RIMS2: variants seen among roughly 807,000 people sequenced by gnomAD.
RIMS2 encodes the protein regulating synaptic membrane exocytosis 2.
In RIMS2, 59 loss-of-function variants were observed where a neutral mutation model predicts 174.4. The observed-to-expected ratio is 0.34, with a 90% CI of 0.27 to 0.42. The LOEUF is 0.42. Ranked by LOEUF, RIMS2 falls within the 10% of genes least tolerant of loss-of-function variation. The pLI, the probability that RIMS2 is intolerant of heterozygous loss-of-function variation, is 1.00. For synonymous variants in RIMS2, 606 were observed against 572.5 expected (o/e 1.06, Z -0.84); for missense variants, 1,620 against 1,666.3 (o/e 0.97, Z 0.48).
chr8:103,983,890 A>G (rs1180501940), intron 16 of RIMS2, among the ~76,000 whole-genome samples: 1 of 152,142 alleles, frequency 6.6e-6, no homozygotes, highest in Non-Finnish European at 1.5e-5. Flanking sequence ...GCAAAAGTAG[A>G]CAAAAGGGCA....
intron 19 of RIMS2, among the ~76,000 whole-genome samples, chr8:104,220,264 C>A (rs865972954): frequency 6.9e-6 from 1 of 145,500 alleles, no homozygotes; most frequent in Non-Finnish European, 1.5e-5. Context: ...TCATCTATAT[C>A]TGTAAGATCC....
chr8:104,168,671 T>C (rs1165290497), intron 19 of RIMS2, among the ~76,000 whole-genome samples: 1 of 152,144 alleles, frequency 6.6e-6, no homozygotes, highest in Non-Finnish European at 1.5e-5. Flanking sequence ...TCGCTAGCAC[T>C]TCCAGTACTA....
intron 19 of RIMS2, among the ~76,000 whole-genome samples, chr8:104,044,599 T>G (rs1310719687): frequency 1.3e-5 from 2 of 151,686 alleles, no homozygotes; most frequent in East Asian, 3.8e-4. Flanking sequence ...TTTTATTGTC[T>G]TCAAATATTA....
intron 1 of RIMS2, chr8:103,568,708 G>T: frequency 1.3e-6 from 1 of 785,858 alleles, no homozygotes; most frequent in Non-Finnish European, 2.2e-6. Context: ...TGTTCTTCTA[G>T]CTTACATAAG....
intron 1 of RIMS2, among the ~76,000 whole-genome samples, chr8:103,577,574 A>G (rs888695745): frequency 1.3e-5 from 2 of 152,214 alleles, no homozygotes; most frequent in South Asian, 2.1e-4. Flanking sequence ...ACAAACCTGT[A>G]CATTCTGTAC....
chr8:104,188,225 A>AGATG (rs1435997853), intron 19 of RIMS2, among the ~76,000 whole-genome samples: 1 of 113,554 alleles, frequency 8.8e-6, no homozygotes, highest in East Asian at 2.4e-4. Flanking sequence ...TTGTTCAGAT[A>AGATG]GATAGATAGA....
intron 1 of RIMS2, among the ~76,000 whole-genome samples, chr8:103,615,661 T>G (rs1480375726): frequency 1.3e-5 from 2 of 151,952 alleles, no homozygotes; most frequent in Admixed American, 1.3e-4. Flanking sequence ...AACATCCAAA[T>G]AAACACAATT....
At chr8:104,001,560 T>G (rs1330962635) in intron 17 of RIMS2, among the ~76,000 whole-genome samples, 1 of 151,988 alleles carries the variant, frequency 6.6e-6, no homozygotes, top group Non-Finnish European at 1.5e-5. Context: ...CTTGTGCCTC[T>G]TTCACAGAAG....
At chr8:103,561,253 A>G (rs2131981957) in intron 1 of RIMS2, among the ~76,000 whole-genome samples, 1 of 152,244 alleles carries the variant, frequency 6.6e-6, no homozygotes, top group South Asian at 2.1e-4. Flanking sequence ...TATACTTTTT[A>G]TTTTAGATAA....
chr8:103,652,806 C>A, intron 1 of RIMS2, 96 bp downstream of exon 3: 1 of 674,814 alleles, frequency 1.5e-6, no homozygotes, highest in Non-Finnish European at 2.3e-6. Flanking sequence ...ATAGTATGCC[C>A]TCAGAAAGGA....
intron 19 of RIMS2, among the ~76,000 whole-genome samples, chr8:104,225,890 T>C (rs982461554): frequency 6.6e-6 from 1 of 152,166 alleles, no homozygotes; most frequent in African/African-American, 2.4e-5. Context: ...CAGCCACGAG[T>C]AGAAATCTTA....
intron 19 of RIMS2, among the ~76,000 whole-genome samples, chr8:104,216,961 T>G (rs913059988): frequency 6.6e-6 from 1 of 152,202 alleles, no homozygotes; most frequent in African/African-American, 2.4e-5. Flanking sequence ...AATGAGACAA[T>G]GCATGTGAAG....
At chr8:104,025,169 G>A (rs1011393519) in intron 19 of RIMS2, among the ~76,000 whole-genome samples, 3 of 152,030 alleles carry the variant, frequency 2.0e-5, no homozygotes, top group African/African-American at 4.8e-5. Flanking sequence ...AAAATAACTT[G>A]GTATGTTAAA....
intron 19 of RIMS2, among the ~76,000 whole-genome samples, chr8:104,220,747 A>G (rs1250625378): frequency 6.6e-6 from 1 of 152,032 alleles, no homozygotes; most frequent in Non-Finnish European, 1.5e-5. Flanking sequence ...GACTACAGGC[A>G]TGACCCCCAC....
intron 3 of RIMS2, among the ~76,000 whole-genome samples, chr8:103,847,236 T>TCTTCTATC (rs2098972490): frequency 6.6e-6 from 1 of 152,064 alleles, no homozygotes; most frequent in Non-Finnish European, 1.5e-5. Context: ...TGCCACTCCT[T>TCTTCTATC]CTTCTATCCC....
chr8:104,163,252 A>G (rs1205528430), intron 19 of RIMS2, among the ~76,000 whole-genome samples: 7 of 152,082 alleles, frequency 4.6e-5, no homozygotes. Flanking sequence ...TTTTTAACTG[A>G]CACTCTATTA....
chr8:103,777,445 T>G (rs1356196799), intron 3 of RIMS2, among the ~76,000 whole-genome samples: 1 of 151,998 alleles, frequency 6.6e-6, no homozygotes, highest in Non-Finnish European at 1.5e-5. Context: ...TAGAAATTTC[T>G]GAATAAATGA....
chr8:104,087,810 C>T (rs2097563017), intron 19 of RIMS2, among the ~76,000 whole-genome samples: 1 of 152,094 alleles, frequency 6.6e-6, no homozygotes. Context: ...GTGCCTCAGT[C>T]TCCAGTGAAA....
At chr8:103,748,312 G>A (rs530358989) in intron 2 of RIMS2, among the ~76,000 whole-genome samples, 3 of 151,962 alleles carry the variant, frequency 2.0e-5, no homozygotes, top group Non-Finnish European at 4.4e-5. Flanking sequence ...GGATCTGGTG[G>A]TGTGTGCCTG....
Sources: allele counts gnomAD v4.1 joint callset (sites outside exome capture counted in the v4.1 genomes callset), GRCh38; gene constraint gnomAD v4.1.1; transcripts MANE v1.5; gene names NCBI Gene and HGNC (gene_info 2026-07-23, HGNC 2026-07-21).